The following DIP2C variants were observed in gnomAD, a reference collection of about 807,000 sequenced individuals.
DIP2C encodes the protein disco-interacting protein 2 homolog C.
Under a neutral mutation model 192.4 loss-of-function variants are expected in DIP2C, and 33 were observed. The observed-to-expected ratio is 0.17, with a 90% confidence interval of 0.13 to 0.23. DIP2C has a LOEUF of 0.23. DIP2C is among the 10% of genes least tolerant of loss of function. The pLI, the probability that DIP2C is intolerant of heterozygous loss-of-function variation, is 1.00. For synonymous variants in DIP2C, 979 were observed against 864.1 expected (o/e 1.13, Z -2.33); for missense variants, 1,537 against 2,110.1 (o/e 0.73, Z 5.32).
At chr10:581,822 C>T (rs963880164) in intron 1 of DIP2C, among the ~76,000 whole-genome samples, 3 of 152,148 alleles carry the variant, frequency 2.0e-5, no homozygotes, top group African/African-American at 4.8e-5. Context: ...TAATCCTCTC[C>T]AACTGAGGTC....
intron 1 of DIP2C, among the ~76,000 whole-genome samples, chr10:552,302 T>C (rs1290728799): frequency 1.3e-5 from 2 of 152,228 alleles, no homozygotes; most frequent in Non-Finnish European, 1.5e-5. Flanking sequence ...GCTAAAATGT[T>C]AATAGGGTCT....
intron 17 of DIP2C, among the ~76,000 whole-genome samples, chr10:376,358 G>A (rs1298676021): frequency 1.3e-5 from 2 of 152,150 alleles, no homozygotes; most frequent in Non-Finnish European, 2.9e-5. Context: ...AGCCGGCACA[G>A]AGCAAGAATG....
intron 1 of DIP2C, among the ~76,000 whole-genome samples, chr10:609,455 A>G (rs900349017): frequency 6.6e-6 from 1 of 152,224 alleles, no homozygotes; most frequent in Non-Finnish European, 1.5e-5. Context: ...ATCAGGGCTG[A>G]CTAACATTCA....
intron 3 of DIP2C, among the ~76,000 whole-genome samples, chr10:454,401 A>G (rs991022951): frequency 6.6e-6 from 1 of 152,224 alleles, no homozygotes; most frequent in Non-Finnish European, 1.5e-5. Context: ...AAAGTACTAA[A>G]AAGGGGATAA....
chr10:625,519 C>G (rs1379623535), intron 1 of DIP2C, among the ~76,000 whole-genome samples: 2 of 152,160 alleles, frequency 1.3e-5, no homozygotes, highest in Admixed American at 1.3e-4. Flanking sequence ...GGAGCCTGCC[C>G]TGTGGCCTCG....
chr10:336,709 T>C (rs1383854514), intron 29 of DIP2C, among the ~76,000 whole-genome samples: 2 of 152,152 alleles, frequency 1.3e-5, no homozygotes, highest in Non-Finnish European at 2.9e-5. Context: ...GGAGAAGGTA[T>C]TGTTATCCTA....
intron 3 of DIP2C, among the ~76,000 whole-genome samples, chr10:457,035 T>G (rs1564735620): frequency 6.6e-6 from 1 of 152,198 alleles, no homozygotes; most frequent in Non-Finnish European, 1.5e-5. Flanking sequence ...ATTTTCCATC[T>G]CTCTGCTCAC....
chr10:333,760 G>A (rs1957610343), intron 29 of DIP2C, among the ~76,000 whole-genome samples: 1 of 152,148 alleles, frequency 6.6e-6, no homozygotes, highest in Admixed American at 6.5e-5. Flanking sequence ...CACCTTCTTG[G>A]TTACTGTTGC....
At chr10:621,101 G>A (rs1306424340) in intron 1 of DIP2C, among the ~76,000 whole-genome samples, 1 of 152,188 alleles carries the variant, frequency 6.6e-6, no homozygotes, top group African/African-American at 2.4e-5. Context: ...AGTCTTCAGA[G>A]AGGGAGACCC....
At chr10:379,844 A>G (rs889777276) in intron 17 of DIP2C, among the ~76,000 whole-genome samples, 2 of 151,910 alleles carry the variant, frequency 1.3e-5, no homozygotes, top group Non-Finnish European at 3.0e-5. Context: ...TCCCTGGAAG[A>G]TGGTTAACAC....
At chr10:685,507 G>A (rs1394577946) in intron 1 of DIP2C, among the ~76,000 whole-genome samples, 2 of 152,030 alleles carry the variant, frequency 1.3e-5, no homozygotes, top group African/African-American at 2.4e-5. Flanking sequence ...GCTATATTAT[G>A]AGTTCTATCA....
chr10:496,074 C>T (rs1369474455), intron 1 of DIP2C, among the ~76,000 whole-genome samples: 1 of 142,306 alleles, frequency 7.0e-6, no homozygotes, highest in Non-Finnish European at 1.6e-5. Flanking sequence ...AACTTGAGTG[C>T]TGAGTACACA....
intron 5 of DIP2C, among the ~76,000 whole-genome samples, chr10:420,261 G>A (rs899415714): frequency 3.3e-5 from 5 of 152,252 alleles, no homozygotes; most frequent in Admixed American, 6.5e-5. Flanking sequence ...AGAAGAGGCC[G>A]TGACAGGACG....
chr10:530,979 C>T lies in DIP2C; in HGVS notation c.86-44449G>A, dbSNP rs189151308. ...CGACCAGACACCCCACCCTGGGACC[C>T]TGCAGGCAGCCCCGACTGGACAGAA... On this transcript the variant is annotated intron_variant, in intron 1 of 36. Transcript: ENST00000280886. 3.5e-3 allele frequency among the ~76,000 whole-genome samples: 539 copies of T among 152,320 alleles called. 2 individuals carry two copies. The highest frequency in any genetic ancestry group is 6.1e-3 in the Non-Finnish European group (417 of 68,024).
chr10:308,260 T>C (rs1956416807), intron 32 of DIP2C, among the ~76,000 whole-genome samples: 1 of 149,606 alleles, frequency 6.7e-6, no homozygotes. Context: ...CTAGGCCAGC[T>C]AGCAGCGACG....
chr10:474,498 T>C (rs958805066), intron 2 of DIP2C, among the ~76,000 whole-genome samples: 2 of 152,206 alleles, frequency 1.3e-5, no homozygotes, highest in African/African-American at 2.4e-5. Context: ...GAAGTCCTCT[T>C]GGAGCCCCCG....
intron 1 of DIP2C, among the ~76,000 whole-genome samples, chr10:542,147 TGGCTCCTGAACCTCCCCCACCCTGTGAC>T (rs1245155015): frequency 6.6e-6 from 1 of 152,232 alleles, no homozygotes; most frequent in Non-Finnish European, 1.5e-5. Flanking sequence ...ACTTGCCTGC[TGGCTCCTGAACCTCCCCCACCCTGTGAC>T]GGCTCACTCC....
intron 14 of DIP2C, 131 bp downstream of exon 14, chr10:387,614 G>A (rs1168235977): frequency 3.8e-6 from 3 of 793,408 alleles, no homozygotes; most frequent in Admixed American, 3.6e-5. Flanking sequence ...AGACTCCTGT[G>A]TGGACAGACA....
intron 36 of DIP2C, among the ~76,000 whole-genome samples, chr10:279,413 C>G (rs929069571): frequency 3.9e-5 from 6 of 152,228 alleles, no homozygotes; most frequent in Non-Finnish European, 5.9e-5. Context: ...AGGAACAGAG[C>G]TGGCCGAGGG....
Sources: allele counts gnomAD v4.1 joint callset (sites outside exome capture counted in the v4.1 genomes callset), GRCh38; gene constraint gnomAD v4.1.1; transcripts MANE v1.5; gene names NCBI Gene and HGNC (gene_info 2026-07-23, HGNC 2026-07-21).